Variants in UTP20 observed in about 807,000 individuals in gnomAD.
UTP20 encodes the protein UTP20 small subunit processome component.
UTP20 carries 164 observed loss-of-function variants against 329.5 expected under a neutral mutation model. That is an observed-to-expected ratio of 0.50 (90% CI 0.44 to 0.57). The LOEUF is 0.57. Ranked by LOEUF, UTP20 falls within the 20% of genes least tolerant of loss-of-function variation. The pLI is 0.00. For missense variants in UTP20, 3,055 were observed against 3,284.2 expected, an observed-to-expected ratio of 0.93 and a Z score of 1.71; for synonymous variants, 1,151 against 1,159.3, an observed-to-expected ratio of 0.99 and a Z score of 0.14.
intron 25 of UTP20, among the ~76,000 whole-genome samples, chr12:101,323,807 A>G (rs186505760): frequency 1.6e-4 from 25 of 152,298 alleles, no homozygotes; most frequent in Non-Finnish European, 2.2e-4. Flanking sequence ...AAATAGTGTT[A>G]CCCAATTGTC....
chr12:101,348,526 T>C (rs1869406625), intron 38 of UTP20, among the ~76,000 whole-genome samples: 2 of 152,046 alleles, frequency 1.3e-5, no homozygotes, highest in South Asian at 4.1e-4. Context: ...AAGGAGCTCT[T>C]TGAAAATAAA....
chr12:101,309,148 T>C (rs1441073087), intron 18 of UTP20, among the ~76,000 whole-genome samples: 1 of 152,186 alleles, frequency 6.6e-6, no homozygotes, highest in Non-Finnish European at 1.5e-5. Flanking sequence ...GAGCAGTTCT[T>C]CTCTTACCTG....
At chr12:101,334,597 T>C (rs1868874019) in intron 29 of UTP20, 93 bp downstream of exon 29, 1 of 1,059,830 alleles carries the variant, frequency 9.4e-7, no homozygotes, top group East Asian at 2.6e-5. Context: ...TAATTTATGG[T>C]CTTTCCATAC....
At chr12:101,320,026 A>T (rs193278396) in intron 23 of UTP20, among the ~76,000 whole-genome samples, 218 of 152,364 alleles carry the variant, frequency 1.4e-3, no homozygotes, top group Non-Finnish European at 2.7e-3. Flanking sequence ...ATTGTAGTCC[A>T]TTGCAGTCAT....
At chr12:101,328,077 T>A (rs1868628864) in intron 26 of UTP20, among the ~76,000 whole-genome samples, 1 of 152,224 alleles carries the variant, frequency 6.6e-6, no homozygotes, top group African/African-American at 2.4e-5. Flanking sequence ...TTGCTTTGCT[T>A]GAGGTCAAAC....
rs1451882521 is a variant in UTP20, at chr12:101,333,333, T to C, written c.3450T>C (p.Asn1150=). 1 of 1,613,910 alleles carries C rather than the reference T, an allele frequency of 6.2e-7. No individual in the cohort carries two copies. Among genetic ancestry groups the C allele is most frequent in the African/African-American group, 1.3e-5 (1 of 74,928 alleles). Reference sequence around the variant, plus strand: ...TGAGATTTATTAATCCATTGAAAAATTTAAGACGTCTTGGAATCAAAATGG... The same window carrying C: ...TGAGATTTATTAATCCATTGAAAAACTTAAGACGTCTTGGAATCAAAATGG... ...IQLRFINPLK[N]LRRLGIKMVT... The change falls in exon 28 of 62, where the codon AAT becomes AAC. Residue 1150 remains asparagine (N), a synonymous_variant. Transcript: ENST00000261637.
chr12:101,371,232 T>A, intron 51 of UTP20, 64 bp downstream of exon 51: 2 of 1,195,242 alleles, frequency 1.7e-6, no homozygotes, highest in Non-Finnish European at 2.4e-6. Context: ...GTGGCAGAGG[T>A]GTCAACACTG....
At chr12:101,354,489 G>C (rs554880870) in intron 40 of UTP20, among the ~76,000 whole-genome samples, 1 of 152,224 alleles carries the variant, frequency 6.6e-6, no homozygotes, top group African/African-American at 2.4e-5. Context: ...GCAGTTGGCT[G>C]TCATTAGGAT....
chr12:101,335,205 C>T (rs945744725), intron 29 of UTP20, among the ~76,000 whole-genome samples: 4 of 151,740 alleles, frequency 2.6e-5, no homozygotes, highest in Non-Finnish European at 4.4e-5. Flanking sequence ...AATAATTAAA[C>T]AGGAAAAATA....
chr12:101,370,127 G>A (rs1377204284), intron 49 of UTP20, among the ~76,000 whole-genome samples: 2 of 152,136 alleles, frequency 1.3e-5, no homozygotes, highest in African/African-American at 4.8e-5. Flanking sequence ...TGCTGAGGCA[G>A]GAGGATCACT....
rs1870370276 is a variant in UTP20, at chr12:101,373,581, T to G, written c.6949-4T>G. On this transcript the variant is annotated splice_polypyrimidine_tract_variant and splice_region_variant and intron_variant, in intron 53 of 61. Transcript: ENST00000261637. ...AGTGCTCACACGTGCCTCTTTTCTTTTAGGGGCTGCTCCATGAGAACTGCG... is the reference window on the plus strand; with the variant it reads ...AGTGCTCACACGTGCCTCTTTTCTTGTAGGGGCTGCTCCATGAGAACTGCG... 8 of 1,610,370 alleles carry G rather than the reference T, an allele frequency of 5.0e-6. No individual in the cohort carries two copies. The highest frequency in any genetic ancestry group is 5.1e-6 in the Non-Finnish European group (6 of 1,177,954).
At position 101,305,975 on chromosome 12, in the gene UTP20, C is replaced by T. The variant is rs1872633975; in HGVS notation, c.1842C>T (p.Ala614=). The change falls in exon 16 of 62, where the codon GCC becomes GCT. Residue 614 remains alanine (A), a synonymous_variant. Transcript: ENST00000261637. ...LLTDLYYQRL[A]LCGCKGPLSQ... ...CTGATCTCTATTATCAGAGATTAGCCTTGTGTGGCTGCAAAGGGCCACTTT... is the reference window on the plus strand; with the variant it reads ...CTGATCTCTATTATCAGAGATTAGCTTTGTGTGGCTGCAAAGGGCCACTTT... 1 of 1,613,770 alleles carries T rather than the reference C, an allele frequency of 6.2e-7. No individual in the cohort carries two copies. The highest frequency in any genetic ancestry group is 1.3e-5 in the African/African-American group (1 of 74,900).
chr12:101,333,510 C>T, intron 28 of UTP20, 66 bp downstream of exon 28: 1 of 1,562,160 alleles, frequency 6.4e-7, no homozygotes, highest in Non-Finnish European at 8.7e-7. Flanking sequence ...AACTCACCAA[C>T]ATAGCTACCA....
At chr12:101,376,103 G>T (rs532560479) in intron 56 of UTP20, among the ~76,000 whole-genome samples, 2 of 152,112 alleles carry the variant, frequency 1.3e-5, no homozygotes, top group Non-Finnish European at 2.9e-5. Flanking sequence ...TTGTTTTGAT[G>T]TATGTACTTG....
chr12:101,290,377 T>C (rs1872100456), intron 7 of UTP20, 103 bp downstream of exon 7: 4 of 1,348,434 alleles, frequency 3.0e-6, no homozygotes, highest in Non-Finnish European at 4.0e-6. Context: ...CTAGAGTACA[T>C]AGCACTAGAT....
intron 15 of UTP20, 75 bp downstream of exon 15, chr12:101,302,628 C>A: frequency 1.1e-6 from 1 of 942,228 alleles, no homozygotes; most frequent in Non-Finnish European, 1.6e-6. Flanking sequence ...ATCTTGGACA[C>A]AAAGAAAATC....
intron 37 of UTP20, among the ~76,000 whole-genome samples, chr12:101,345,979 A>G (rs1006620654): frequency 6.6e-6 from 1 of 152,148 alleles, no homozygotes; most frequent in Non-Finnish European, 1.5e-5. Flanking sequence ...GCTATGGATT[A>G]TATCTCTGAA....
Position 101,386,384 on chromosome 12 carries a change from T to G in UTP20, c.*261T>G. 3.7e-6 allele frequency: 1 copy of G among 270,116 alleles called. No individual in the cohort carries two copies. The highest frequency in any genetic ancestry group is 6.9e-6 in the Non-Finnish European group (1 of 145,568). 16.7% of individuals were successfully genotyped at this position (270,116 alleles called of 1,614,324 possible). A position where few individuals can be genotyped will look rare whatever the true frequency, so the allele number is the denominator to read the frequency against. On this transcript the variant is annotated 3_prime_UTR_variant, in exon 62 of 62. Transcript: ENST00000261637. ...CACTATGCCCGGCAAATTTTTTGTA[T>G]TTTGTATTTTTTGTAGAAACAGGAT... is the stretch of plus-strand genomic sequence containing the variant.
Position 101,338,823 on chromosome 12 carries a change from A to C in UTP20, c.3879A>C (p.Thr1293=). The C allele has an allele frequency of 6.2e-7, 1 of 1,607,706 alleles. No homozygotes were observed. The highest frequency in any genetic ancestry group is 1.1e-5 in the South Asian group (1 of 89,842). The part of the protein sequence containing the change: ...GIAENIGESI[T]IGGRLILPHV... ...CACTATCTATTTCAGAGTCTATCACAATAGGAGGAAGATTAATTCTACCTC... is the reference window on the plus strand; with the variant it reads ...CACTATCTATTTCAGAGTCTATCACCATAGGAGGAAGATTAATTCTACCTC... Residue 1293 remains threonine, a synonymous_variant, in exon 31 of 62, where the codon ACA becomes ACC. Coordinates refer to ENST00000261637, the MANE Select transcript of UTP20 (RefSeq NM_014503.3).
Sources: gnomAD v4.1 joint callset for allele counts (sites outside exome capture counted in the v4.1 genomes callset) on GRCh38, gnomAD v4.1.1 for gene constraint, MANE v1.5 for transcripts, NCBI Gene and HGNC (gene_info 2026-07-23, HGNC 2026-07-21) for gene names.